SOCS2: variants seen among roughly 807,000 people sequenced by gnomAD.
The protein encoded by SOCS2 is suppressor of cytokine signaling 2.
SOCS2 carries 10 observed loss-of-function variants against 18.6 expected under a neutral mutation model. That is an observed-to-expected ratio of 0.54 (90% CI 0.33 to 0.91). SOCS2 has a LOEUF of 0.91. Ranked by LOEUF, SOCS2 falls within the 40% of genes least tolerant of loss-of-function variation. SOCS2 has a pLI of 0.02. For missense variants in SOCS2, 231 were observed against 247.2 expected (o/e 0.93, Z 0.44); for synonymous variants, 104 against 104.0 (o/e 1.00, Z 0.00).
downstream of SOCS2, among the ~76,000 whole-genome samples, chr12:93,585,820 C>T (rs2136717070): frequency 3.3e-5 from 5 of 152,212 alleles, 1 homozygote; most frequent in Middle Eastern, 0.017. Flanking sequence ...CCGCCCCTGC[C>T]CCCTCAAAAG....
At chr12:93,592,467 C>T in the SOCS2 span, among the ~76,000 whole-genome samples, 1 of 152,194 alleles carries the variant, frequency 6.6e-6, no homozygotes, top group Non-Finnish European at 1.5e-5. Context: ...CTAATTGTTG[C>T]TGTGTGCTTA....
the SOCS2 span, among the ~76,000 whole-genome samples, chr12:93,617,753 A>G: frequency 5.3e-5 from 8 of 152,302 alleles, no homozygotes; most frequent in South Asian, 1.7e-3. Context: ...GTTGGGAAAG[A>G]CTGAAGTATT....
At chr12:93,625,483 C>A in the SOCS2 span, among the ~76,000 whole-genome samples, 1 of 152,106 alleles carries the variant, frequency 6.6e-6, no homozygotes, top group African/African-American at 2.4e-5. Flanking sequence ...CGCGGTGGCT[C>A]ACATTTGTAA....
At chr12:93,584,480 C>T (rs1456522150), downstream of SOCS2, among the ~76,000 whole-genome samples, 1 of 152,102 alleles carries the variant, frequency 6.6e-6, no homozygotes. Flanking sequence ...GACTCAAAAG[C>T]CATGGTTTTC....
At chr12:93,615,579 T>C in the SOCS2 span, among the ~76,000 whole-genome samples, 1 of 152,012 alleles carries the variant, frequency 6.6e-6, no homozygotes, top group Admixed American at 6.6e-5. Context: ...TTAGGTGGAG[T>C]TATAAAGTGT....
chr12:93,621,171 C>T, the SOCS2 span, among the ~76,000 whole-genome samples: 1 of 152,194 alleles, frequency 6.6e-6, no homozygotes, highest in East Asian at 1.9e-4. Context: ...TACTGATCAC[C>T]TATCTAGACA....
the SOCS2 span, among the ~76,000 whole-genome samples, chr12:93,589,217 G>A: frequency 3.9e-5 from 6 of 152,260 alleles, no homozygotes; most frequent in South Asian, 1.0e-3. Flanking sequence ...TGCAGTCTGC[G>A]ACCCCATCAT....
intron 1 of SOCS2, 197 bp downstream of exon 1, chr12:93,573,233 C>T (rs1050937152): frequency 3.0e-6 from 2 of 670,138 alleles, no homozygotes; most frequent in Admixed American, 3.0e-5. Context: ...GGGACTCAGG[C>T]CTGGCGGAGC....
chr12:93,594,150 T>C, the SOCS2 span, among the ~76,000 whole-genome samples: 3 of 152,184 alleles, frequency 2.0e-5, no homozygotes, highest in African/African-American at 7.2e-5. Context: ...GAAGAACAAA[T>C]CGGTTTCTCA....
the SOCS2 span, among the ~76,000 whole-genome samples, chr12:93,606,201 C>A: frequency 6.6e-6 from 1 of 152,086 alleles, no homozygotes; most frequent in Non-Finnish European, 1.5e-5. Flanking sequence ...CATCTGGCTG[C>A]AAGGAAAGCT....
At chr12:93,591,957 T>C in the SOCS2 span, among the ~76,000 whole-genome samples, 2 of 152,240 alleles carry the variant, frequency 1.3e-5, no homozygotes, top group East Asian at 3.8e-4. Flanking sequence ...CTTTTGTTTT[T>C]GTTAATGCAG....
chr12:93,611,044 C>A, the SOCS2 span, among the ~76,000 whole-genome samples: 1 of 152,070 alleles, frequency 6.6e-6, no homozygotes, highest in Non-Finnish European at 1.5e-5. Flanking sequence ...TGTTTTAACT[C>A]TCATTTTATA....
At chr12:93,605,245 C>T in the SOCS2 span, among the ~76,000 whole-genome samples, 5 of 152,138 alleles carry the variant, frequency 3.3e-5, no homozygotes, top group Non-Finnish European at 4.4e-5. Flanking sequence ...CTCTCTTAAA[C>T]GAGCAAGTTG....
chr12:93,601,556 G>A, the SOCS2 span, among the ~76,000 whole-genome samples: 124 of 152,180 alleles, frequency 8.1e-4, no homozygotes, highest in African/African-American at 2.6e-3. Context: ...TGATCTGCCC[G>A]CCTCAGCCTC....
chr12:93,581,503 T>C (rs1020335079), downstream of SOCS2, among the ~76,000 whole-genome samples: 4 of 152,174 alleles, frequency 2.6e-5, no homozygotes, highest in Non-Finnish European at 5.9e-5. Flanking sequence ...CTGTGTCTTT[T>C]TCTAGTTACT....
chr12:93,604,782 C>G, the SOCS2 span, among the ~76,000 whole-genome samples: 13 of 152,230 alleles, frequency 8.5e-5, no homozygotes, highest in African/African-American at 2.4e-4. Flanking sequence ...TCCTCAGCCC[C>G]CATCGTAGCT....
chr12:93,588,268 C>T (rs957566954), downstream of SOCS2, among the ~76,000 whole-genome samples: 2 of 152,180 alleles, frequency 1.3e-5, no homozygotes, highest in East Asian at 1.9e-4. Flanking sequence ...ATATCTTTTA[C>T]ACTTATCACT....
the SOCS2 span, among the ~76,000 whole-genome samples, chr12:93,590,763 G>C: frequency 9.3e-6 from 1 of 107,888 alleles, no homozygotes; most frequent in Non-Finnish European, 1.7e-5. Flanking sequence ...CAGCCTGGGC[G>C]ACAGAGCAAG....
chr12:93,624,800 T>G, the SOCS2 span, among the ~76,000 whole-genome samples: 2 of 152,200 alleles, frequency 1.3e-5, no homozygotes, highest in African/African-American at 4.8e-5. Flanking sequence ...AAGTACACAG[T>G]ATGCCACTGT....
Sources: gnomAD v4.1 joint callset for allele counts (sites outside exome capture counted in the v4.1 genomes callset) on GRCh38, gnomAD v4.1.1 for gene constraint, MANE v1.5 for transcripts, NCBI Gene and HGNC (gene_info 2026-07-23, HGNC 2026-07-21) for gene names.